CLHC1: variants seen among roughly 807,000 people sequenced by gnomAD.
CLHC1 encodes clathrin heavy chain linker domain containing 1, also known as clathrin heavy chain linker domain-containing protein 1.
In CLHC1, 72 loss-of-function variants were observed where a neutral mutation model predicts 69.5. The observed-to-expected ratio is 1.04, with a 90% CI of 0.86 to 1.26. The LOEUF is 1.26. CLHC1 is among the 50% of genes most tolerant of loss of function. The pLI is 0.00. For missense variants in CLHC1, 790 were observed against 679.3 expected, an observed-to-expected ratio of 1.16 and a Z score of -1.81; for synonymous variants, 223 against 224.3, an observed-to-expected ratio of 0.99 and a Z score of 0.05.
chr2:55,211,231 G>C (rs2103957619), intron 5 of CLHC1, among the ~76,000 whole-genome samples: 1 of 152,240 alleles, frequency 6.6e-6, no homozygotes, highest in South Asian at 2.1e-4. Flanking sequence ...GCCAGGTGCA[G>C]TGGCTCACGC....
chr2:55,224,719 A>C (rs573627671), intron 2 of CLHC1: 1 of 286,270 alleles, frequency 3.5e-6, no homozygotes, highest in Non-Finnish European at 7.4e-6. Context: ...AGTTTATTCT[A>C]CTTCAAGAGA....
intron 9 of CLHC1, among the ~76,000 whole-genome samples, chr2:55,205,423 GCA>G (rs944290333): frequency 6.8e-5 from 5 of 73,238 alleles, no homozygotes; most frequent in African/African-American, 1.3e-4. Context: ...ACACACACAC[GCA>G]CACACACACA....
At chr2:55,180,873 T>A (rs759653869) in intron 10 of CLHC1, among the ~76,000 whole-genome samples, 161 bp from the exon 11 acceptor site, 3 of 152,256 alleles carry the variant, frequency 2.0e-5, no homozygotes, top group Non-Finnish European at 4.4e-5. Flanking sequence ...TTGAAATGAT[T>A]ACTTGTCAAT....
rs1306574149 is a variant in CLHC1 at position 55,177,602 on chromosome 2, C to T, written c.1564G>A (p.Asp522Asn). Residue 522 changes from aspartate (D) to asparagine (N), a missense_variant and splice_region_variant, in exon 12 of 13, where the codon GAT (aspartate) becomes AAT (asparagine). Physicochemically the swap from Asp to Asn is conservative, Grantham distance 23. Coordinates refer to ENST00000401408, the MANE Select transcript of CLHC1 (RefSeq NM_152385.4). ...LLQEINKGGI[D>N]AVESLMINDS... ...TCCCACAACATTTTATTCTACTTAC[C>T]TATCCCACCTTTATTGATTTCTTGA... The T allele has an allele frequency of 6.3e-7, 1 of 1,591,784 alleles. No homozygotes were observed. Among genetic ancestry groups the T allele is most frequent in the Admixed American group, 1.7e-5 (1 of 58,112 alleles).
At chr2:55,189,825 T>C (rs1248830955) in intron 9 of CLHC1, among the ~76,000 whole-genome samples, 2 of 152,108 alleles carry the variant, frequency 1.3e-5, no homozygotes, top group African/African-American at 4.8e-5. Context: ...AGTTCAGAAA[T>C]AGCTGAGAAT....
intron 9 of CLHC1, among the ~76,000 whole-genome samples, chr2:55,195,837 A>C (rs1220151492): frequency 6.6e-6 from 1 of 152,122 alleles, no homozygotes; most frequent in Non-Finnish European, 1.5e-5. Context: ...ACAAAAACAA[A>C]AAAAACTACC....
At chr2:55,192,930 A>T (rs545729648) in intron 9 of CLHC1, among the ~76,000 whole-genome samples, 1 of 137,804 alleles carries the variant, frequency 7.3e-6, no homozygotes, top group Non-Finnish European at 1.5e-5. Flanking sequence ...TTACTCTGTC[A>T]CCCAGGCTGG....
chr2:55,183,072 C>T (rs573983877), intron 9 of CLHC1, among the ~76,000 whole-genome samples: 1 of 152,246 alleles, frequency 6.6e-6, no homozygotes, highest in East Asian at 1.9e-4. Flanking sequence ...TTTCCTGTCC[C>T]TTATATAACC....
chr2:55,191,937 GT>G (rs1670972465), intron 9 of CLHC1, among the ~76,000 whole-genome samples: 1 of 152,102 alleles, frequency 6.6e-6, no homozygotes, highest in Non-Finnish European at 1.5e-5. Context: ...AGAAGTTTGG[GT>G]TGTAATGCAC....
intron 5 of CLHC1, among the ~76,000 whole-genome samples, chr2:55,210,448 G>A (rs879834616): frequency 5.3e-5 from 8 of 151,046 alleles, no homozygotes; most frequent in African/African-American, 1.7e-4. Context: ...CGCTCGCCTC[G>A]GCCTCTCAAA....
At chr2:55,186,563 G>C (rs1670431192) in intron 9 of CLHC1, among the ~76,000 whole-genome samples, 1 of 152,026 alleles carries the variant, frequency 6.6e-6, no homozygotes, top group Non-Finnish European at 1.5e-5. Context: ...AGACCTGCCT[G>C]GGCAACACTG....
At chr2:55,226,516 A>G (rs1674724054) in intron 2 of CLHC1, among the ~76,000 whole-genome samples, 1 of 152,226 alleles carries the variant, frequency 6.6e-6, no homozygotes. Context: ...TTCACTTAAT[A>G]TTAAAAGCAC....
intron 9 of CLHC1, among the ~76,000 whole-genome samples, chr2:55,187,931 C>T (rs1046343705): frequency 6.6e-6 from 1 of 151,986 alleles, no homozygotes; most frequent in Non-Finnish European, 1.5e-5. Flanking sequence ...TAAGTAACTC[C>T]TAAAAATCAT....
intron 1 of CLHC1, among the ~76,000 whole-genome samples, chr2:55,230,807 C>G (rs533933877): frequency 1.1e-4 from 16 of 152,168 alleles, no homozygotes; most frequent in South Asian, 4.1e-4. Flanking sequence ...CATTAGTGAC[C>G]ATTACAAGAG....
At chr2:55,223,258 C>G (rs1435510018) in intron 2 of CLHC1, among the ~76,000 whole-genome samples, 1 of 152,114 alleles carries the variant, frequency 6.6e-6, no homozygotes, top group Non-Finnish European at 1.5e-5. Flanking sequence ...TTATAATAAA[C>G]TTTATTTTAA....
intron 9 of CLHC1, among the ~76,000 whole-genome samples, chr2:55,196,924 G>T (rs1671482204): frequency 6.6e-6 from 1 of 152,192 alleles, no homozygotes; most frequent in African/African-American, 2.4e-5. Flanking sequence ...CTTCGTTCTT[G>T]GATGGCATTT....
chr2:55,227,459 C>A (rs545570122), intron 2 of CLHC1, among the ~76,000 whole-genome samples: 4 of 152,116 alleles, frequency 2.6e-5, no homozygotes, highest in Non-Finnish European at 5.9e-5. Flanking sequence ...GCAGGCAGAT[C>A]ACGAGATCAG....
chr2:55,223,061 C>T (rs1392084777), intron 2 of CLHC1, among the ~76,000 whole-genome samples: 5 of 151,800 alleles, frequency 3.3e-5, no homozygotes, highest in African/African-American at 7.3e-5. Context: ...ATCATATAAT[C>T]GATGGTTTCT....
Position 55,228,649 on chromosome 2 carries a change from G to A in CLHC1, c.-255-445C>T, listed in dbSNP as rs540137629. Among the ~76,000 whole-genome samples, 11 of 152,308 alleles carry A rather than the reference G, an allele frequency of 7.2e-5. No homozygotes were observed. In the South Asian group the frequency reaches 1.4e-3, roughly 20 times the overall value. ...CCAGAGGGGCATCTCATCAGCCTAC[G>A]GAAGGGGGCAAGGAAACATTAGGGA... On this transcript the variant is annotated intron_variant, in intron 1 of 12. Coordinates refer to ENST00000401408, the MANE Select transcript of CLHC1 (RefSeq NM_152385.4).
Sources: gnomAD v4.1 joint callset for allele counts (sites outside exome capture counted in the v4.1 genomes callset) on GRCh38, gnomAD v4.1.1 for gene constraint, MANE v1.5 for transcripts, NCBI Gene and HGNC (gene_info 2026-07-23, HGNC 2026-07-21) for gene names.